Variants in GPM6A observed in about 807,000 individuals in gnomAD.
The protein encoded by GPM6A is neuronal membrane glycoprotein M6-a.
In GPM6A, 7 loss-of-function variants were observed where a neutral mutation model predicts 32.1. The ratio of observed to expected loss-of-function variants is 0.22; its 90% CI spans 0.12 to 0.41. The LOEUF (loss-of-function observed/expected upper bound fraction) is 0.41, where lower values mean the gene tolerates loss of function less well. Among genes scored for constraint, GPM6A ranks in the 10% least tolerant of loss-of-function variants. The pLI is 1.00. For synonymous variants in GPM6A, 130 were observed against 123.4 expected, an observed-to-expected ratio of 1.05 and a Z score of -0.35; for missense variants, 235 against 347.2, an observed-to-expected ratio of 0.68 and a Z score of 2.57.
At chr4:175,794,533 T>A (rs1156818876) in intron 1 of GPM6A, among the ~76,000 whole-genome samples, 2 of 152,346 alleles carry the variant, frequency 1.3e-5, no homozygotes, top group East Asian at 1.9e-4. Context: ...GAATTCAAGA[T>A]TAATATTGCT....
At chr4:175,858,837 G>A (rs749292988) in intron 1 of GPM6A, among the ~76,000 whole-genome samples, 3 of 152,126 alleles carry the variant, frequency 2.0e-5, no homozygotes, top group South Asian at 2.1e-4. Context: ...GTCTATGAAC[G>A]AGTGAACAAA....
At chr4:175,895,828 A>G (rs1737779432) in intron 1 of GPM6A, among the ~76,000 whole-genome samples, 1 of 152,216 alleles carries the variant, frequency 6.6e-6, no homozygotes, top group East Asian at 1.9e-4. Context: ...ACCTCAAGTT[A>G]AAATATTTCC....
At chr4:175,685,742 C>A (rs1233841729) in intron 2 of GPM6A, among the ~76,000 whole-genome samples, 1 of 152,106 alleles carries the variant, frequency 6.6e-6, no homozygotes, top group African/African-American at 2.4e-5. Context: ...CTTCTTTGTT[C>A]TTGACTTTAG....
chr4:175,740,934 C>T (rs1731863918), intron 1 of GPM6A, among the ~76,000 whole-genome samples: 1 of 152,032 alleles, frequency 6.6e-6, no homozygotes, highest in East Asian at 1.9e-4. Context: ...CGGCTGCTAA[C>T]TTTATCCTAG....
At chr4:175,851,459 C>T (rs917918581) in intron 1 of GPM6A, among the ~76,000 whole-genome samples, 3 of 140,390 alleles carry the variant, frequency 2.1e-5, no homozygotes, top group South Asian at 2.6e-4. Flanking sequence ...CACTCCAGCC[C>T]GGGTGACAGG....
At chr4:175,996,152 C>T (rs1741301030) in intron 1 of GPM6A, among the ~76,000 whole-genome samples, 1 of 152,106 alleles carries the variant, frequency 6.6e-6, no homozygotes, top group African/African-American at 2.4e-5. Flanking sequence ...ATCTCATTTA[C>T]CCTAATTTTT....
intron 1 of GPM6A, among the ~76,000 whole-genome samples, chr4:175,722,874 T>G (rs1746215130): frequency 9.7e-6 from 1 of 103,608 alleles, no homozygotes; most frequent in African/African-American, 3.7e-5. Flanking sequence ...CAAAACTGTC[T>G]TTACAAAGAA....
intron 1 of GPM6A, among the ~76,000 whole-genome samples, chr4:175,878,584 G>T (rs1339764311): frequency 6.6e-6 from 1 of 152,080 alleles, no homozygotes; most frequent in Non-Finnish European, 1.5e-5. Flanking sequence ...AGGGCACCAG[G>T]TCCCAAGACT....
At chr4:175,911,783 G>T (rs1274848174) in intron 1 of GPM6A, among the ~76,000 whole-genome samples, 1 of 152,156 alleles carries the variant, frequency 6.6e-6, no homozygotes, top group Non-Finnish European at 1.5e-5. Context: ...ATGTAAGAGA[G>T]ACCAAACATC....
chr4:175,866,096 C>A (rs1474542258), intron 1 of GPM6A, among the ~76,000 whole-genome samples: 1 of 152,090 alleles, frequency 6.6e-6, no homozygotes, highest in African/African-American at 2.4e-5. Flanking sequence ...TAATCTATTG[C>A]CATAATGTTT....
chr4:175,757,023 C>T (rs1266605507), intron 1 of GPM6A, among the ~76,000 whole-genome samples: 1 of 152,026 alleles, frequency 6.6e-6, no homozygotes, highest in Non-Finnish European at 1.5e-5. Flanking sequence ...AGCTAGTCTC[C>T]ACGATGACTC....
chr4:175,712,372 C>T (rs925706749), intron 1 of GPM6A, among the ~76,000 whole-genome samples: 1 of 152,198 alleles, frequency 6.6e-6, no homozygotes, highest in African/African-American at 2.4e-5. Flanking sequence ...GCTCGTGGTG[C>T]CCCCAGAGTG....
intron 1 of GPM6A, among the ~76,000 whole-genome samples, chr4:175,751,525 C>T (rs1441041604): frequency 1.3e-5 from 2 of 152,090 alleles, no homozygotes; most frequent in African/African-American, 4.8e-5. Context: ...TTAGACTCCA[C>T]AGGGTTAAAT....
intron 1 of GPM6A, among the ~76,000 whole-genome samples, chr4:175,785,174 CT>C (rs1224429228): frequency 7.2e-5 from 11 of 152,174 alleles, no homozygotes; most frequent in African/African-American, 2.7e-4. Flanking sequence ...GGGATGTCCC[CT>C]GACCAAGTCC....
chr4:175,925,665 G>A (rs560229953), intron 1 of GPM6A, among the ~76,000 whole-genome samples: 1 of 152,120 alleles, frequency 6.6e-6, no homozygotes, highest in South Asian at 2.1e-4. Context: ...TAAAATCAAT[G>A]TTCTTAATAC....
At chr4:175,831,473 A>C (rs1735608331) in intron 1 of GPM6A, among the ~76,000 whole-genome samples, 1 of 152,164 alleles carries the variant, frequency 6.6e-6, no homozygotes, top group Admixed American at 6.5e-5. Flanking sequence ...CAATTCTTCA[A>C]ACACAAATTT....
intron 1 of GPM6A, among the ~76,000 whole-genome samples, chr4:175,888,365 A>G (rs1026171283): frequency 2.6e-5 from 4 of 152,042 alleles, no homozygotes; most frequent in African/African-American, 2.4e-5. Context: ...TACAGAGTAA[A>G]TCATAAGAAG....
intron 1 of GPM6A, among the ~76,000 whole-genome samples, chr4:175,847,971 G>A (rs1159765486): frequency 6.6e-6 from 1 of 152,062 alleles, no homozygotes; most frequent in African/African-American, 2.4e-5. Flanking sequence ...ACGAATAAGG[G>A]GAAACTGCTA....
At chr4:175,864,464 A>G (rs1303468354) in intron 1 of GPM6A, among the ~76,000 whole-genome samples, 1 of 152,012 alleles carries the variant, frequency 6.6e-6, no homozygotes, top group Non-Finnish European at 1.5e-5. Context: ...ATGGGCTACC[A>G]TGCCCAGCTT....
Sources: allele counts gnomAD v4.1 joint callset (sites outside exome capture counted in the v4.1 genomes callset), GRCh38; gene constraint gnomAD v4.1.1; transcripts MANE v1.5; gene names NCBI Gene and HGNC (gene_info 2026-07-23, HGNC 2026-07-21).